The following CSMD1 variants were observed in gnomAD, a reference collection of about 807,000 sequenced individuals.
The protein encoded by CSMD1 is CUB and Sushi multiple domains 1.
In CSMD1, 213 loss-of-function variants were observed where a neutral mutation model predicts 417.5. The ratio of observed to expected loss-of-function variants is 0.51; its 90% CI spans 0.46 to 0.57. The LOEUF is 0.57. Among genes scored for constraint, CSMD1 ranks in the 20% least tolerant of loss-of-function variants. The pLI is 0.00. For missense variants in CSMD1, 6,923 were observed against 4,529.7 expected, an observed-to-expected ratio of 1.53 and a Z score of -15.17; for synonymous variants, 2,862 against 1,736.8, an observed-to-expected ratio of 1.65 and a Z score of -16.11.
chr8:4,044,838 G>C (rs145163006), intron 3 of CSMD1, among the ~76,000 whole-genome samples: 6 of 117,458 alleles, frequency 5.1e-5, no homozygotes, highest in Non-Finnish European at 1.2e-4. Context: ...AGCACCCCAG[G>C]CTTGTACCAT....
intron 1 of CSMD1, among the ~76,000 whole-genome samples, chr8:4,764,878 A>AACAAAAAC (rs1330228940): frequency 4.2e-5 from 2 of 47,610 alleles, no homozygotes; most frequent in South Asian, 8.2e-4. Flanking sequence ...ATCTCAAAAA[A>AACAAAAAC]AAAAAAAAAA....
At chr8:4,682,379 G>C (rs1453746479) in intron 1 of CSMD1, among the ~76,000 whole-genome samples, 2 of 152,158 alleles carry the variant, frequency 1.3e-5, no homozygotes, top group African/African-American at 2.4e-5. Context: ...TAAATTACTT[G>C]TTGTGTATCT....
intron 1 of CSMD1, among the ~76,000 whole-genome samples, chr8:4,892,744 A>G (rs7007881): frequency 0.95 from 144,680 of 152,060 alleles, 68,998 homozygotes; most frequent in East Asian, 1. Context: ...TCTGATTTGC[A>G]TCTCATTTTT....
At chr8:4,989,656 C>A (rs572612630) in intron 1 of CSMD1, among the ~76,000 whole-genome samples, 1 of 152,294 alleles carries the variant, frequency 6.6e-6, no homozygotes, top group East Asian at 1.9e-4. Context: ...TGCATGTATG[C>A]AACTTGTAAT....
At chr8:3,821,355 G>C (rs192484525) in intron 5 of CSMD1, among the ~76,000 whole-genome samples, 1 of 152,184 alleles carries the variant, frequency 6.6e-6, no homozygotes. Context: ...CATGAGACCC[G>C]TCTAAGACTG....
chr8:3,234,481 C>A (rs534794888), intron 26 of CSMD1, among the ~76,000 whole-genome samples: 1 of 152,132 alleles, frequency 6.6e-6, no homozygotes, highest in East Asian at 1.9e-4. Context: ...AAACAGCACT[C>A]TCAGTGGAGA....
intron 12 of CSMD1, among the ~76,000 whole-genome samples, chr8:3,416,319 A>T (rs978571290): frequency 4.0e-5 from 6 of 150,914 alleles, no homozygotes; most frequent in African/African-American, 1.2e-4. Flanking sequence ...AAAAAAAAAA[A>T]AAAAAAAGTG....
chr8:3,681,730 C>G (rs1357045987), intron 7 of CSMD1, among the ~76,000 whole-genome samples: 3 of 152,124 alleles, frequency 2.0e-5, no homozygotes, highest in African/African-American at 7.2e-5. Context: ...CCCGCATTGC[C>G]AAGTCAATCC....
chr8:2,950,189 AGAAAGCCTGTGCTTT>A, intron 67 of CSMD1, 27 bp downstream of exon 67: 1 of 1,266,424 alleles, frequency 7.9e-7, no homozygotes, highest in Non-Finnish European at 1.2e-6. Context: ...AGAGATGATT[AGAAAGCCTGTGCTTT>A]GTCACAGACC....
At chr8:3,551,385 T>C (rs1435632003) in intron 10 of CSMD1, among the ~76,000 whole-genome samples, 1 of 152,122 alleles carries the variant, frequency 6.6e-6, no homozygotes, top group East Asian at 1.9e-4. Context: ...TAAGAGTAGA[T>C]GCAGGGGGTA....
rs371387091 is a variant in CSMD1 at position 4,832,189 on chromosome 8, G to A, written c.85+162143C>T. Among the ~76,000 whole-genome samples the A allele has an allele frequency of 3.9e-4, 60 of 152,324 alleles. No individual in the cohort carries two copies. In the Middle Eastern group the frequency reaches 0.017, roughly 43 times the overall value. On this transcript the variant is annotated intron_variant, in intron 1 of 69. Coordinates refer to ENST00000635120, the MANE Select transcript of CSMD1 (RefSeq NM_033225.6). ...GTACATCAGCAAACATGCATGGAACGCCCTGAGTGTGGGAGGGTTTGGGAG... is the reference window on the plus strand; with the variant it reads ...GTACATCAGCAAACATGCATGGAACACCCTGAGTGTGGGAGGGTTTGGGAG...
intron 2 of CSMD1, among the ~76,000 whole-genome samples, chr8:4,435,326 G>T (rs1018724483): frequency 6.6e-6 from 1 of 152,130 alleles, no homozygotes. Context: ...CAGGTAAAAT[G>T]CAGGATTATG....
intron 3 of CSMD1, among the ~76,000 whole-genome samples, chr8:4,112,119 T>C (rs1216298061): frequency 6.6e-6 from 1 of 152,146 alleles, no homozygotes; most frequent in Non-Finnish European, 1.5e-5. Context: ...GCCCACAAGA[T>C]CAGGGGCCCC....
At chr8:4,674,614 C>A in intron 1 of CSMD1, among the ~76,000 whole-genome samples, 1 of 151,968 alleles carries the variant, frequency 6.6e-6, no homozygotes, top group South Asian at 2.1e-4. Flanking sequence ...ATCAGGAACA[C>A]CAAGGAGACA....
Position 3,748,066 on chromosome 8 carries a change from C to G in CSMD1, c.931+5864G>C, listed in dbSNP as rs553126787. Among the ~76,000 whole-genome samples, 14 of 152,208 alleles carry G rather than the reference C, an allele frequency of 9.2e-5. No individual in the cohort carries two copies. The East Asian group carries it at 2.3e-3, about 25-fold the overall frequency. On this transcript the variant is annotated intron_variant, in intron 6 of 69. Coordinates refer to ENST00000635120, the MANE Select transcript of CSMD1 (RefSeq NM_033225.6). ...AAGGGGTACTGGCTAATCGTAAGTACTTAATGAAAAGTGCAGAGTAAGAGT... is the reference window on the plus strand; with the variant it reads ...AAGGGGTACTGGCTAATCGTAAGTAGTTAATGAAAAGTGCAGAGTAAGAGT...
At chr8:3,676,737 A>G (rs759110769) in intron 7 of CSMD1, among the ~76,000 whole-genome samples, 1 of 152,164 alleles carries the variant, frequency 6.6e-6, no homozygotes, top group Non-Finnish European at 1.5e-5. Context: ...AAATACGTAT[A>G]TAATAAACAT....
chr8:3,922,572 C>T (rs1584970459), intron 5 of CSMD1, among the ~76,000 whole-genome samples: 1 of 151,906 alleles, frequency 6.6e-6, no homozygotes, highest in East Asian at 1.9e-4. Context: ...TTCATGGTTA[C>T]AAGTAGGATT....
At chr8:3,904,825 TGGG>T (rs1258784520) in intron 5 of CSMD1, among the ~76,000 whole-genome samples, 1 of 151,982 alleles carries the variant, frequency 6.6e-6, no homozygotes, top group Non-Finnish European at 1.5e-5. Context: ...TTAGTAAAGA[TGGG>T]GTTTTACCAT....
In CSMD1 at chr8:3,810,231, T is replaced by C. The variant is rs188301474; in HGVS notation, c.819-56189A>G. Among the ~76,000 whole-genome samples, 90 of 152,146 alleles carry C rather than the reference T, an allele frequency of 5.9e-4. 2 individuals carry two copies. The highest frequency in any genetic ancestry group is 3.9e-4 in the Admixed American group (6 of 15,284). On this transcript the variant is annotated intron_variant, in intron 5 of 69. Coordinates refer to ENST00000635120, the MANE Select transcript of CSMD1 (RefSeq NM_033225.6). Reference sequence around the variant, plus strand: ...TCTAGTCTTTGACAGTATAGAGAAGTTTTCATAGAGATTTCAAAAGGAATG... The same window carrying C: ...TCTAGTCTTTGACAGTATAGAGAAGCTTTCATAGAGATTTCAAAAGGAATG...
Sources: gnomAD v4.1 joint callset for allele counts (sites outside exome capture counted in the v4.1 genomes callset) on GRCh38, gnomAD v4.1.1 for gene constraint, MANE v1.5 for transcripts, NCBI Gene and HGNC (gene_info 2026-07-23, HGNC 2026-07-21) for gene names.